TACC2: variants seen among roughly 807,000 people sequenced by gnomAD.
TACC2 encodes the protein transforming acidic coiled-coil containing protein 2.
A neutral mutation model predicts 227.3 loss-of-function variants in TACC2; 137 were observed. That is an observed-to-expected ratio of 0.60 (90% CI 0.52 to 0.69). The LOEUF is 0.69. Ranked by LOEUF, TACC2 falls within the 30% of genes least tolerant of loss-of-function variation. TACC2 has a pLI of 0.00. For missense variants in TACC2, 3,470 were observed against 3,694.4 expected (o/e 0.94, Z 1.57); for synonymous variants, 1,523 against 1,487.5 (o/e 1.02, Z -0.55).
In TACC2 at chr10:122,087,562, G is replaced by A; in HGVS notation, c.5062G>A (p.Val1688Met). Residue 1688 changes from valine to methionine, a missense_variant, in exon 4 of 23, where the codon GTG becomes ATG. This residue lies in a region of TACC2 where 1,924 missense variants were observed against 1,978.3 expected (regional missense o/e 0.97). Transcript: ENST00000369005. ...QSTPAPPTGE[V>M]ADTPLEPGKV... Reference sequence around the variant, plus strand: ...CACCCCTGCACCACCAACTGGAGAAGTGGCAGACACTCCCCTGGAGCCTGG... The same window carrying A: ...CACCCCTGCACCACCAACTGGAGAAATGGCAGACACTCCCCTGGAGCCTGG... The A allele has an allele frequency of 1.2e-6, 2 of 1,613,812 alleles. No homozygotes were observed. Among genetic ancestry groups the A allele is most frequent in the South Asian group, 1.1e-5 (1 of 91,088 alleles).
chr10:122,218,064 C>T (rs4752670), intron 11 of TACC2, among the ~76,000 whole-genome samples: 77,044 of 151,868 alleles, frequency 0.51, 20,504 homozygotes, highest in East Asian at 0.87. Flanking sequence ...CCTGCCTCAG[C>T]CTCCTGAGTA....
intron 5 of TACC2, among the ~76,000 whole-genome samples, chr10:122,118,952 G>C (rs755815465): frequency 3.9e-5 from 6 of 152,158 alleles, no homozygotes; most frequent in Non-Finnish European, 8.8e-5. Context: ...GTAGTGAGAT[G>C]ATGCTATGCT....
chr10:122,025,915 T>C (rs571362523), intron 2 of TACC2, among the ~76,000 whole-genome samples: 15 of 152,122 alleles, frequency 9.9e-5, no homozygotes, highest in African/African-American at 2.4e-4. Context: ...CAGAGTTCTT[T>C]ATATAGTCTA....
At position 122,211,144 on chromosome 10, in the gene TACC2, C is replaced by T. The variant is rs375927409; in HGVS notation, c.6719C>T (p.Pro2240Leu). The T allele has an allele frequency of 3.7e-5, 59 of 1,609,520 alleles. No individual in the cohort carries two copies. The highest frequency in any genetic ancestry group is 5.1e-5 in the Admixed American group (3 of 59,240). Residue 2240 changes from proline (P) to leucine (L), a missense_variant, in exon 9 of 23, where the codon CCG (proline) becomes CTG (leucine). By Grantham distance (98) the Pro-to-Leu change is moderately conservative. This residue lies in a region of TACC2 where 593 missense variants were observed against 636.6 expected (regional missense o/e 0.93). Coordinates refer to ENST00000369005, the MANE Select transcript of TACC2 (RefSeq NM_206862.4). ...GRKTLPLTTAPEAGEVTPSDS... is the reference protein window; with the variant it reads ...GRKTLPLTTALEAGEVTPSDS... ...AAAACGCTGCCTCTTACCACGGCCC[C>T]GGAGGCAGGGGAGGTAACCCCATCG...
At chr10:122,241,417 G>A (rs1159123966) in intron 18 of TACC2, among the ~76,000 whole-genome samples, 2 of 152,030 alleles carry the variant, frequency 1.3e-5, no homozygotes, top group Non-Finnish European at 2.9e-5. Flanking sequence ...TTAGTCCCTC[G>A]AGTAGCTAGG....
In TACC2 at chr10:122,180,339, CT is replaced by C. The variant is rs71026008; in HGVS notation, c.5835-14686del. ...GCCTGAAACTTTCTTCCCCCCAGTT[CT>C]TTTTTTTTTTTTTTGGGTTAATAGT... On this transcript the variant is annotated intron_variant, in intron 7 of 22. Coordinates refer to ENST00000369005, the MANE Select transcript of TACC2 (RefSeq NM_206862.4). The surrounding 1 kb of genome is among the most constrained non-coding windows in gnomAD (Gnocchi z 4.5). Among the ~76,000 whole-genome samples the C allele has an allele frequency of 0.02, 2,690 of 136,720 alleles. 24 individuals carry two copies. The highest frequency in any genetic ancestry group is 0.029 in the Non-Finnish European group (1,820 of 62,794). The allele number at this position is 136,720 out of a possible 152,430, so 89.7% of individuals were successfully genotyped here.
At chr10:122,039,697 T>C (rs2074011991) in intron 2 of TACC2, among the ~76,000 whole-genome samples, 2 of 152,232 alleles carry the variant, frequency 1.3e-5, no homozygotes, top group Admixed American at 1.3e-4. Context: ...AACAATTAAT[T>C]GCTGCATTAA....
At chr10:122,214,398 A>G (rs552999013) in intron 9 of TACC2, among the ~76,000 whole-genome samples, 1 of 152,192 alleles carries the variant, frequency 6.6e-6, no homozygotes, top group South Asian at 2.1e-4. Flanking sequence ...AGAGAACACA[A>G]GGAAGGAACT....
intron 5 of TACC2, among the ~76,000 whole-genome samples, chr10:122,101,551 CTTTTTTTTTTT>C (rs34331470): frequency 2.1e-5 from 1 of 47,138 alleles, no homozygotes; most frequent in Non-Finnish European, 4.3e-5. Flanking sequence ...AAAACCCCAT[CTTTTTTTTTTT>C]TTTTTTTTTT....
intron 8 of TACC2, among the ~76,000 whole-genome samples, chr10:122,199,414 T>C (rs1318768143): frequency 6.6e-6 from 1 of 152,210 alleles, no homozygotes; most frequent in Non-Finnish European, 1.5e-5. Flanking sequence ...TCGTATACAC[T>C]GTCACCTGCT....
At chr10:122,049,401 G>T (rs2075420787) in intron 2 of TACC2, among the ~76,000 whole-genome samples, 2 of 152,198 alleles carry the variant, frequency 1.3e-5, no homozygotes, top group African/African-American at 4.8e-5. Flanking sequence ...AACTGCCCTG[G>T]TTCTTCAGGG....
In TACC2 at chr10:122,212,467, A is replaced by AGGACCCCC. The variant is rs767746349; in HGVS notation, c.7283+765_7283+766insCCGGACCC. ...CACCCATGCCTCCAGAATCCACCCC[A>AGGACCCCC]GGACCCGGCTCTAATGTGGATGGCT... On this transcript the variant is annotated intron_variant, in intron 9 of 22. Coordinates refer to ENST00000369005, the MANE Select transcript of TACC2 (RefSeq NM_206862.4). Among the ~76,000 whole-genome samples, 71 of 152,166 alleles carry AGGACCCCC rather than the reference A, an allele frequency of 4.7e-4. 1 individual carries two copies. The highest frequency in any genetic ancestry group is 9.6e-4 in the Non-Finnish European group (65 of 68,034).
chr10:122,037,911 TTTG>T (rs1471894224), intron 2 of TACC2, among the ~76,000 whole-genome samples: 2 of 72,316 alleles, frequency 2.8e-5, no homozygotes, highest in Non-Finnish European at 5.5e-5. Context: ...TTTGTTGGTT[TTTG>T]TTTGTTTGTT....
intron 2 of TACC2, among the ~76,000 whole-genome samples, chr10:122,039,361 C>T (rs2073971446): frequency 6.6e-6 from 1 of 152,124 alleles, no homozygotes. Flanking sequence ...CTGGTAGGTT[C>T]TCAGAGGGCA....
Position 122,046,608 on chromosome 10 carries a change from C to T in TACC2, c.34-3830C>T, listed in dbSNP as rs2075035501. Among the ~76,000 whole-genome samples the T allele has an allele frequency of 2.6e-5, 4 of 152,230 alleles. No individual in the cohort carries two copies. The South Asian group carries it at 8.3e-4, about 32-fold the overall frequency. On this transcript the variant is annotated intron_variant, in intron 2 of 22. Transcript: ENST00000369005. ...CCAAGCCCTTGTTATAGTCCATCTG[C>T]CTGAGGAAATATAGCCCGTGGTCCC...
intron 11 of TACC2, among the ~76,000 whole-genome samples, chr10:122,219,269 G>C (rs2095477420): frequency 6.8e-6 from 1 of 147,574 alleles, no homozygotes; most frequent in Non-Finnish European, 1.5e-5. Flanking sequence ...CCTTTCCTTA[G>C]TGCTAGCCCC....
chr10:121,995,237 G>A (rs192202183), intron 1 of TACC2, among the ~76,000 whole-genome samples: 46 of 152,274 alleles, frequency 3.0e-4, no homozygotes, highest in Non-Finnish European at 6.5e-4. Context: ...AACTTGAGCC[G>A]CCGTGTGATC....
intron 5 of TACC2, among the ~76,000 whole-genome samples, chr10:122,095,798 A>G (rs926762146): frequency 6.6e-6 from 1 of 152,210 alleles, no homozygotes; most frequent in Admixed American, 6.5e-5. Context: ...ACTCTCCAAT[A>G]CAGTCGCTGC....
At chr10:122,115,828 T>G (rs1027758168) in intron 5 of TACC2, among the ~76,000 whole-genome samples, 4 of 152,086 alleles carry the variant, frequency 2.6e-5, no homozygotes, top group African/African-American at 4.8e-5. Flanking sequence ...TTACTGTAGC[T>G]GGGGTTTAGC....
Sources: gnomAD v4.1 joint callset for allele counts (sites outside exome capture counted in the v4.1 genomes callset) on GRCh38, gnomAD v4.1.1 for gene constraint, gnomAD v4.1.1 regional missense constraint, Gnocchi (gnomAD v3.1) non-coding constraint, MANE v1.5 for transcripts, NCBI Gene and HGNC (gene_info 2026-07-23, HGNC 2026-07-21) for gene names.